The following ADAMTSL1 variants were observed in gnomAD, a reference collection of about 807,000 sequenced individuals.
ADAMTSL1 encodes the protein ADAMTS-like protein 1.
In ADAMTSL1, 126 loss-of-function variants were observed where a neutral mutation model predicts 201.8. That is an observed-to-expected ratio of 0.62 (90% confidence interval 0.54 to 0.72). ADAMTSL1 has a LOEUF of 0.72. Among genes scored for constraint, ADAMTSL1 ranks in the 30% least tolerant of loss-of-function variants. The probability of loss-of-function intolerance (pLI) is 0.00; values close to 1 mark genes in which losing one functional copy is unlikely to be tolerated. For synonymous variants in ADAMTSL1, 1,121 were observed against 903.4 expected, an observed-to-expected ratio of 1.24 and a Z score of -4.32; for missense variants, 2,679 against 2,277.8, an observed-to-expected ratio of 1.18 and a Z score of -3.59.
At chr9:18,799,408 G>C (rs965544650) in intron 20 of ADAMTSL1, among the ~76,000 whole-genome samples, 3 of 152,182 alleles carry the variant, frequency 2.0e-5, no homozygotes, top group Non-Finnish European at 4.4e-5. Context: ...GAATGGCCTA[G>C]GCAAACTTTT....
intron 2 of ADAMTSL1, among the ~76,000 whole-genome samples, chr9:18,355,227 G>T (rs530174318): frequency 6.6e-6 from 1 of 152,198 alleles, no homozygotes; most frequent in Non-Finnish European, 1.5e-5. Context: ...ACTATAAAAT[G>T]AACCAATACC....
At chr9:18,120,826 C>T (rs1477640368) in intron 1 of ADAMTSL1, among the ~76,000 whole-genome samples, 1 of 152,056 alleles carries the variant, frequency 6.6e-6, no homozygotes, top group Non-Finnish European at 1.5e-5. Context: ...TTAATATACC[C>T]TGAAAATTAA....
At chr9:18,537,878 T>TTA (rs1554699323) in intron 3 of ADAMTSL1, among the ~76,000 whole-genome samples, 3 of 97,856 alleles carry the variant, frequency 3.1e-5, no homozygotes, top group African/African-American at 1.1e-4. Flanking sequence ...TGTCTCTATT[T>TTA]AAAAAAAAAA....
chr9:18,404,314 C>G (rs1235015150), intron 2 of ADAMTSL1, among the ~76,000 whole-genome samples: 1 of 152,186 alleles, frequency 6.6e-6, no homozygotes, highest in Admixed American at 6.5e-5. Flanking sequence ...TCATGATGTA[C>G]TACCAAACAA....
intron 2 of ADAMTSL1, among the ~76,000 whole-genome samples, chr9:18,188,948 G>A (rs1202238661): frequency 6.6e-6 from 1 of 152,162 alleles, no homozygotes; most frequent in African/African-American, 2.4e-5. Flanking sequence ...GGCTTGGGAA[G>A]GTTAAATAGC....
intron 1 of ADAMTSL1, among the ~76,000 whole-genome samples, chr9:18,143,413 A>C (rs149179028): frequency 6.6e-6 from 1 of 151,764 alleles, no homozygotes; most frequent in Non-Finnish European, 1.5e-5. Flanking sequence ...CTTCCACTTC[A>C]CTCTATTTTT....
At chr9:18,255,990 T>G (rs981611235) in intron 2 of ADAMTSL1, among the ~76,000 whole-genome samples, 2 of 152,252 alleles carry the variant, frequency 1.3e-5, no homozygotes, top group African/African-American at 4.8e-5. Flanking sequence ...ATTTTTCATG[T>G]CTGGATGACT....
At chr9:18,475,306 A>G (rs1330167420) in intron 1 of ADAMTSL1, among the ~76,000 whole-genome samples, 2 of 152,168 alleles carry the variant, frequency 1.3e-5, no homozygotes, top group East Asian at 1.9e-4. Context: ...TGATTCCTTG[A>G]TGGGGAAGGA....
intron 2 of ADAMTSL1, among the ~76,000 whole-genome samples, chr9:18,445,930 T>G (rs1274292301): frequency 6.6e-6 from 1 of 152,172 alleles, no homozygotes; most frequent in Non-Finnish European, 1.5e-5. Flanking sequence ...TTATATTTAA[T>G]CCTTATAGTT....
At chr9:18,585,926 G>T (rs1292685643) in intron 4 of ADAMTSL1, among the ~76,000 whole-genome samples, 1 of 152,090 alleles carries the variant, frequency 6.6e-6, no homozygotes, top group African/African-American at 2.4e-5. Flanking sequence ...ACTAGATATT[G>T]AAGGAAAATA....
chr9:18,531,301 G>T (rs1819429936), intron 2 of ADAMTSL1, among the ~76,000 whole-genome samples: 1 of 152,166 alleles, frequency 6.6e-6, no homozygotes, highest in East Asian at 1.9e-4. Flanking sequence ...GTAATGAGGG[G>T]TGGTACTTGG....
intron 2 of ADAMTSL1, among the ~76,000 whole-genome samples, chr9:18,279,465 C>T (rs1405022822): frequency 6.6e-6 from 1 of 150,746 alleles, no homozygotes; most frequent in Non-Finnish European, 1.5e-5. Flanking sequence ...GTCATGTTTC[C>T]CTGATTATCT....
At chr9:18,490,536 C>A (rs1234876744) in intron 1 of ADAMTSL1, among the ~76,000 whole-genome samples, 1 of 152,032 alleles carries the variant, frequency 6.6e-6, no homozygotes. Flanking sequence ...AAACTAGAAT[C>A]CTGGAGATTG....
At chr9:18,021,937 A>G (rs1005524289) in intron 1 of ADAMTSL1, among the ~76,000 whole-genome samples, 10 of 152,156 alleles carry the variant, frequency 6.6e-5, no homozygotes, top group Admixed American at 2.6e-4. Flanking sequence ...GGATGTTTCT[A>G]AAGAATGTTC....
At chr9:18,358,809 C>T (rs929291536) in intron 2 of ADAMTSL1, among the ~76,000 whole-genome samples, 1 of 152,082 alleles carries the variant, frequency 6.6e-6, no homozygotes, top group Non-Finnish European at 1.5e-5. Context: ...CTTATCTTGG[C>T]TCTTATTAAT....
chr9:18,263,447 A>G (rs921919771), intron 2 of ADAMTSL1, among the ~76,000 whole-genome samples: 3 of 152,010 alleles, frequency 2.0e-5, no homozygotes, highest in Non-Finnish European at 4.4e-5. Context: ...TGTTGGCGTC[A>G]CCTGGTGTTG....
At chr9:18,648,678 T>C (rs1827984208) in intron 7 of ADAMTSL1, among the ~76,000 whole-genome samples, 1 of 151,992 alleles carries the variant, frequency 6.6e-6, no homozygotes, top group African/African-American at 2.4e-5. Context: ...AAATTCTGGG[T>C]TGAAAATTCT....
intron 2 of ADAMTSL1, among the ~76,000 whole-genome samples, chr9:18,253,992 T>C (rs1191047949): frequency 1.3e-5 from 2 of 152,160 alleles, no homozygotes; most frequent in Non-Finnish European, 2.9e-5. Flanking sequence ...TGCTGACCCA[T>C]CTGTGTGCAA....
chr9:18,370,202 C>T (rs1836979115), intron 2 of ADAMTSL1, among the ~76,000 whole-genome samples: 1 of 151,838 alleles, frequency 6.6e-6, no homozygotes, highest in African/African-American at 2.4e-5. Flanking sequence ...GTCACTTGAA[C>T]CCAGGAGGCG....
Sources: allele counts gnomAD v4.1 joint callset (sites outside exome capture counted in the v4.1 genomes callset), GRCh38; gene constraint gnomAD v4.1.1; transcripts MANE v1.5; gene names NCBI Gene and HGNC (gene_info 2026-07-23, HGNC 2026-07-21).